Variants in IGBP1 observed in about 807,000 individuals in gnomAD.
IGBP1 encodes the protein immunoglobulin binding protein 1.
IGBP1 carries 2 observed loss-of-function variants against 25.9 expected under a neutral mutation model. The observed-to-expected ratio is 0.08, with a 90% CI of 0.03 to 0.24. IGBP1 has a LOEUF of 0.24. IGBP1 is among the 10% of genes least tolerant of loss of function. The pLI, the probability that IGBP1 is intolerant of heterozygous loss-of-function variation, is 1.00. For synonymous variants in IGBP1, 96 were observed against 93.4 expected (o/e 1.03, Z -0.16); for missense variants, 187 against 260.4 (o/e 0.72, Z 1.94).
In IGBP1 at chrX:70,142,795, C is replaced by T. The variant is rs761311409; in HGVS notation, c.483-3838C>T. Among the ~76,000 whole-genome samples the T allele has an allele frequency of 1.5e-3, 166 of 109,743 alleles. 1 individual carries two copies. The highest frequency in any genetic ancestry group is 9.2e-3 in the Middle Eastern group (2 of 217). ...CATCACACCACTGCACTCCAGCCTG[C>T]GCAACGAAGTGAGACCAAAACAAAA... On this transcript the variant is annotated intron_variant, in intron 3 of 6. Coordinates refer to ENST00000356413, the MANE Select transcript of IGBP1 (RefSeq NM_001551.3).
At chrX:70,159,001 A>G (rs973579591) in intron 6 of IGBP1, among the ~76,000 whole-genome samples, 6 of 112,488 alleles carry the variant, frequency 5.3e-5, no homozygotes, top group African/African-American at 1.6e-4. Context: ...CACTACAGAA[A>G]GACACGCTCA....
In IGBP1 at chrX:70,148,941, G is replaced by A; in HGVS notation, c.758+101G>A. On this transcript the variant is annotated intron_variant, in intron 5 of 6. Coordinates refer to ENST00000356413, the MANE Select transcript of IGBP1 (RefSeq NM_001551.3). ...AGACTGAGTGGTGTTGAAAAGTCATGATCTTGGGTGGGCGAGGTGGCTCGT... is the reference window on the plus strand; with the variant it reads ...AGACTGAGTGGTGTTGAAAAGTCATAATCTTGGGTGGGCGAGGTGGCTCGT... 3 of 647,600 alleles carry A rather than the reference G, an allele frequency of 4.6e-6. No individual in the cohort carries two copies. The South Asian group carries it at 7.0e-5, about 15-fold the overall frequency. 53.4% of individuals were successfully genotyped at this position (647,600 alleles called of 1,213,427 possible).
chrX:70,139,893 G>C lies in IGBP1; in HGVS notation c.482+5077G>C, dbSNP rs776988961. On this transcript the variant is annotated intron_variant, in intron 3 of 6. Transcript: ENST00000356413. ...TCTCACCATGTATCATTCTCCCCTC[G>C]TTCACTAGACTTCAGCCACAATGAC... Among the ~76,000 whole-genome samples, 339 of 111,387 alleles carry C rather than the reference G, an allele frequency of 3.0e-3. 3 individuals are homozygous for C. The highest frequency in any genetic ancestry group is 5.6e-3 in the Non-Finnish European group (297 of 53,079).
At chrX:70,138,346 G>T (rs1246466094) in intron 3 of IGBP1, among the ~76,000 whole-genome samples, 1 of 109,452 alleles carries the variant, frequency 9.1e-6, no homozygotes, top group Admixed American at 9.8e-5. Context: ...AACTAGCCAG[G>T]TATGGTGGCA....
intron 3 of IGBP1, among the ~76,000 whole-genome samples, chrX:70,145,105 A>ACCAC (rs1001110938): frequency 9.1e-6 from 1 of 109,822 alleles, no homozygotes; most frequent in African/African-American, 3.3e-5. Flanking sequence ...GAGTTCAAGG[A>ACCAC]CCACCCCCAC....
At chrX:70,149,909 C>T (rs954086330) in intron 5 of IGBP1, among the ~76,000 whole-genome samples, 6 of 111,127 alleles carry the variant, frequency 5.4e-5, no homozygotes, top group Non-Finnish European at 1.1e-4. Context: ...CTATAAATAC[C>T]CATTCCACGG....
intron 6 of IGBP1, among the ~76,000 whole-genome samples, chrX:70,152,715 A>G (rs1424611701): frequency 8.9e-6 from 1 of 112,587 alleles, no homozygotes; most frequent in African/African-American, 3.2e-5. Flanking sequence ...GAAAATGTAA[A>G]GTCACTGGAT....
In IGBP1 at chrX:70,166,035, A is replaced by C. The variant is rs764678890; in HGVS notation, c.*54A>C. The C allele has an allele frequency of 3.5e-6, 4 of 1,133,793 alleles. No individual in the cohort carries two copies. The highest frequency in any genetic ancestry group is 1.8e-5 in the African/African-American group (1 of 55,664). The allele number at this position is 1,133,793 out of a possible 1,213,427, so 93.4% of individuals were successfully genotyped here. A position where few individuals can be genotyped will look rare whatever the true frequency, so the allele number is the denominator to read the frequency against. Reference sequence around the variant, plus strand: ...GTGCACAACTCCCCTGCCAAGGAAAACCATGCAGTCCTCCCCTCCCTGGTC... The same window carrying C: ...GTGCACAACTCCCCTGCCAAGGAAACCCATGCAGTCCTCCCCTCCCTGGTC... On this transcript the variant is annotated 3_prime_UTR_variant, in exon 7 of 7. Coordinates refer to ENST00000356413, the MANE Select transcript of IGBP1 (RefSeq NM_001551.3).
chrX:70,155,368 G>A (rs1383916461), intron 6 of IGBP1, among the ~76,000 whole-genome samples: 1 of 109,401 alleles, frequency 9.1e-6, no homozygotes, highest in Non-Finnish European at 1.9e-5. Flanking sequence ...GGTGGCACAC[G>A]CCTGTAATCC....
intron 3 of IGBP1, among the ~76,000 whole-genome samples, chrX:70,145,431 T>G (rs1339109616): frequency 9.0e-6 from 1 of 111,354 alleles, no homozygotes; most frequent in African/African-American, 3.3e-5. Context: ...CTTTCCCTGC[T>G]TATATCCTTG....
intron 6 of IGBP1, among the ~76,000 whole-genome samples, chrX:70,153,901 A>G (rs1368110876): frequency 9.0e-6 from 1 of 110,902 alleles, no homozygotes; most frequent in East Asian, 2.8e-4. Context: ...AAGGCTCAAT[A>G]TCTTTTATAA....
chrX:70,146,870 TTC>T (rs760339284), intron 4 of IGBP1, 42 bp downstream of exon 4: 5 of 954,803 alleles, frequency 5.2e-6, no homozygotes, highest in Non-Finnish European at 7.5e-6. Flanking sequence ...GATTTGAGTA[TTC>T]TACAGGAGAT....
intron 3 of IGBP1, among the ~76,000 whole-genome samples, chrX:70,138,676 G>GT (rs1008890699): frequency 4.5e-5 from 5 of 110,959 alleles, no homozygotes; most frequent in African/African-American, 1.6e-4. Flanking sequence ...TTGGAATGCT[G>GT]TAACTATAGC....
chrX:70,145,646 T>C (rs1221869496), intron 3 of IGBP1, among the ~76,000 whole-genome samples: 2 of 111,437 alleles, frequency 1.8e-5, no homozygotes, highest in African/African-American at 3.3e-5. Flanking sequence ...GACCTCATTT[T>C]CTATCACTCT....
intron 3 of IGBP1, among the ~76,000 whole-genome samples, chrX:70,145,948 C>T: frequency 8.9e-6 from 1 of 111,854 alleles, no homozygotes; most frequent in South Asian, 3.7e-4. Context: ...TTCTTTTTGT[C>T]TACTCCCACT....
intron 6 of IGBP1, among the ~76,000 whole-genome samples, chrX:70,150,700 A>T (rs1401695276): frequency 8.9e-6 from 1 of 112,174 alleles, no homozygotes; most frequent in African/African-American, 3.2e-5. Flanking sequence ...ACCTGAAGGT[A>T]CTGGCAAGTC....
intron 6 of IGBP1, among the ~76,000 whole-genome samples, chrX:70,156,362 C>G (rs757218469): frequency 1.4e-3 from 151 of 109,144 alleles, no homozygotes; most frequent in Non-Finnish European, 2.5e-3. Context: ...TATGCCTTCA[C>G]CTTCTTTTCA....
At chrX:70,156,527 T>C (rs971708417) in intron 6 of IGBP1, among the ~76,000 whole-genome samples, 1 of 112,010 alleles carries the variant, frequency 8.9e-6, no homozygotes, top group Admixed American at 9.5e-5. Flanking sequence ...TTCTCAAATA[T>C]TTGAAAATTA....
Position 70,148,577 on chromosome X carries a change from G to A in IGBP1, c.679-184G>A, listed in dbSNP as rs776859745. 2.7e-5 allele frequency: 12 copies of A among 441,771 alleles called. No homozygotes were observed. The South Asian group carries it at 3.3e-4, about 12-fold the overall frequency. 36.4% of individuals were successfully genotyped at this position (441,771 alleles called of 1,213,427 possible). A position where few individuals can be genotyped will look rare whatever the true frequency, so the allele number is the denominator to read the frequency against. ...TCTTTCTTTTTTGCAAGGTACTCAG[G>A]CCCCCTCAGGAGAGCTAAGGAATCT... On this transcript the variant is annotated intron_variant, in intron 4 of 6. Transcript: ENST00000356413.
Sources: gnomAD v4.1 joint callset for allele counts (sites outside exome capture counted in the v4.1 genomes callset) on GRCh38, gnomAD v4.1.1 for gene constraint, MANE v1.5 for transcripts, NCBI Gene and HGNC (gene_info 2026-07-23, HGNC 2026-07-21) for gene names.